ZNF704: variants seen among roughly 807,000 people sequenced by gnomAD.
The protein encoded by ZNF704 is glucocorticoid induced gene 1.
A neutral mutation model predicts 44.7 loss-of-function variants in ZNF704; 10 were observed. The ratio of observed to expected loss-of-function variants is 0.22; its 90% CI spans 0.14 to 0.38. The LOEUF is 0.38. Among genes scored for constraint, ZNF704 ranks in the 10% least tolerant of loss-of-function variants. The pLI is 1.00. For missense variants in ZNF704, 390 were observed against 545.5 expected, an observed-to-expected ratio of 0.71 and a Z score of 2.84; for synonymous variants, 211 against 207.6, an observed-to-expected ratio of 1.02 and a Z score of -0.14.
At chr8:80,873,199 C>G (rs1809284591) in intron 1 of ZNF704, among the ~76,000 whole-genome samples, 1 of 152,064 alleles carries the variant, frequency 6.6e-6, no homozygotes, top group South Asian at 2.1e-4. Flanking sequence ...CCCGTCCCCA[C>G]CGGGCACGAA....
chr8:80,820,405 T>TA (rs1354106735), intron 2 of ZNF704, among the ~76,000 whole-genome samples: 2 of 152,214 alleles, frequency 1.3e-5, no homozygotes, highest in Non-Finnish European at 2.9e-5. Context: ...CCTTTTTTTT[T>TA]ACTTGTTTTT....
intron 7 of ZNF704, among the ~76,000 whole-genome samples, chr8:80,659,085 T>C (rs965129087): frequency 2.0e-5 from 3 of 152,226 alleles, no homozygotes; most frequent in Admixed American, 6.5e-5. Flanking sequence ...TTAAGTCTGA[T>C]TGCATATTTT....
chr8:80,677,552 C>T (rs766513900), intron 4 of ZNF704, among the ~76,000 whole-genome samples: 2 of 152,206 alleles, frequency 1.3e-5, no homozygotes, highest in Non-Finnish European at 2.9e-5. Flanking sequence ...CACACATACA[C>T]ACACCTTCCT....
intron 1 of ZNF704, among the ~76,000 whole-genome samples, chr8:80,843,864 A>C (rs1336891693): frequency 6.6e-6 from 1 of 152,024 alleles, no homozygotes; most frequent in Non-Finnish European, 1.5e-5. Flanking sequence ...CATTCGCTTG[A>C]AAAGTCATCA....
At chr8:80,750,155 A>AC (rs1426217992) in intron 2 of ZNF704, among the ~76,000 whole-genome samples, 1 of 152,102 alleles carries the variant, frequency 6.6e-6, no homozygotes, top group Non-Finnish European at 1.5e-5. Context: ...CACAGTCCTC[A>AC]CACATCCCCC....
chr8:80,755,868 G>A (rs967024241), intron 2 of ZNF704, among the ~76,000 whole-genome samples: 1 of 152,148 alleles, frequency 6.6e-6, no homozygotes, highest in Non-Finnish European at 1.5e-5. Context: ...CACTTTGGGA[G>A]GCCACGGAGG....
chr8:80,687,958 C>T (rs1431111013), intron 3 of ZNF704, among the ~76,000 whole-genome samples: 1 of 152,120 alleles, frequency 6.6e-6, no homozygotes, highest in Non-Finnish European at 1.5e-5. Context: ...CTTATCCTAG[C>T]ATTTTGAGAG....
At chr8:80,799,401 C>T (rs1054171964) in intron 2 of ZNF704, among the ~76,000 whole-genome samples, 2 of 152,118 alleles carry the variant, frequency 1.3e-5, no homozygotes, top group African/African-American at 4.8e-5. Flanking sequence ...CTAGCCAATA[C>T]TTAATGATGC....
intron 2 of ZNF704, among the ~76,000 whole-genome samples, chr8:80,799,637 C>A (rs1376432107): frequency 6.6e-6 from 1 of 152,002 alleles, no homozygotes; most frequent in East Asian, 1.9e-4. Context: ...ACAAAAAAGA[C>A]CCCACAAAAA....
chr8:80,780,713 G>A (rs1236235195), intron 2 of ZNF704, among the ~76,000 whole-genome samples: 1 of 152,116 alleles, frequency 6.6e-6, no homozygotes, highest in Non-Finnish European at 1.5e-5. Context: ...AGACTGCAGT[G>A]AGGTACTAAC....
At chr8:80,693,177 C>T (rs1009816949) in intron 2 of ZNF704, 70 bp from the exon 3 acceptor site, 20 of 1,284,018 alleles carry the variant, frequency 1.6e-5, no homozygotes, top group African/African-American at 8.8e-5. Context: ...AGGTGTGACA[C>T]GCTGTCACGC....
At chr8:80,821,656 T>C in intron 1 of ZNF704, 41 bp from the exon 2 acceptor site, 9 of 1,515,208 alleles carry the variant, frequency 5.9e-6, no homozygotes, top group Non-Finnish European at 8.2e-6. Flanking sequence ...ACATAAAACA[T>C]CACCTTTGTA....
intron 2 of ZNF704, among the ~76,000 whole-genome samples, chr8:80,702,438 A>AGG (rs999700612): frequency 3.9e-5 from 6 of 152,038 alleles, no homozygotes; most frequent in Admixed American, 1.3e-4. Flanking sequence ...GTCACTGGAG[A>AGG]GGGGGTCTGA....
chr8:80,761,926 T>C (rs1342992867), intron 2 of ZNF704, among the ~76,000 whole-genome samples: 5 of 152,242 alleles, frequency 3.3e-5, no homozygotes, highest in Non-Finnish European at 7.3e-5. Context: ...TAAACTTCAA[T>C]GGGTCACCAC....
chr8:80,644,320 C>G (rs1394554129), intron 7 of ZNF704, among the ~76,000 whole-genome samples: 2 of 152,188 alleles, frequency 1.3e-5, no homozygotes, highest in Non-Finnish European at 2.9e-5. Context: ...CTACTGTCCT[C>G]AGCCCCTCCT....
At chr8:80,693,829 C>T (rs545226324) in intron 2 of ZNF704, among the ~76,000 whole-genome samples, 33 of 152,230 alleles carry the variant, frequency 2.2e-4, no homozygotes, top group African/African-American at 6.7e-4. Flanking sequence ...AATGGGAAGT[C>T]CCTGGGAGGC....
intron 2 of ZNF704, among the ~76,000 whole-genome samples, chr8:80,754,096 A>C (rs1449376194): frequency 6.6e-6 from 1 of 151,292 alleles, no homozygotes; most frequent in East Asian, 1.9e-4. Flanking sequence ...TCTCCTGTCT[A>C]CTCCCAAACC....
At chr8:80,688,743 C>T (rs1405220707) in intron 3 of ZNF704, among the ~76,000 whole-genome samples, 1 of 152,094 alleles carries the variant, frequency 6.6e-6, no homozygotes, top group African/African-American at 2.4e-5. Context: ...GATTTCTGCC[C>T]AGTTAGAATG....
chr8:80,804,549 T>C (rs959263903), intron 2 of ZNF704, among the ~76,000 whole-genome samples: 1 of 152,166 alleles, frequency 6.6e-6, no homozygotes, highest in African/African-American at 2.4e-5. Context: ...GTGGAAGCCA[T>C]TATCCTCAGC....
Sources: allele counts gnomAD v4.1 joint callset (sites outside exome capture counted in the v4.1 genomes callset), GRCh38; gene constraint gnomAD v4.1.1; transcripts MANE v1.5; gene names NCBI Gene and HGNC (gene_info 2026-07-23, HGNC 2026-07-21).